Variants in STK32B observed in about 807,000 individuals in gnomAD.
The protein encoded by STK32B is serine/threonine kinase 32B.
A neutral mutation model predicts 52.6 loss-of-function variants in STK32B; 43 were observed. The ratio of observed to expected loss-of-function variants is 0.82; its 90% confidence interval spans 0.64 to 1.05. The LOEUF (loss-of-function observed/expected upper bound fraction) is 1.05. Ranked by LOEUF, STK32B falls within the 50% of genes least tolerant of loss-of-function variation. The pLI is 0.00. For missense variants in STK32B, 621 were observed against 534.6 expected (o/e 1.16, Z -1.59); for synonymous variants, 238 against 204.3 (o/e 1.17, Z -1.41).
intron 7 of STK32B, among the ~76,000 whole-genome samples, chr4:5,455,864 A>G (rs545369049): frequency 2.0e-5 from 3 of 152,286 alleles, no homozygotes; most frequent in African/African-American, 7.2e-5. Context: ...ATGGCAGTCA[A>G]CTTCATATGG....
chr4:5,094,268 T>G (rs1368263249), intron 1 of STK32B, among the ~76,000 whole-genome samples: 1 of 152,078 alleles, frequency 6.6e-6, no homozygotes, highest in Non-Finnish European at 1.5e-5. Flanking sequence ...GTTTGACAAT[T>G]TTAGAAAGAG....
Position 5,159,600 on chromosome 4 carries a change from TATATATATGA to T in STK32B, c.109-8670_109-8661del, listed in dbSNP as rs1283965387. On this transcript the variant is annotated intron_variant, in intron 2 of 11. Coordinates refer to ENST00000282908, the MANE Select transcript of STK32B (RefSeq NM_018401.3). Reference sequence around the variant, plus strand: ...GAATATATATATGAATATATATGAATATATATATGAATATATATGAATATATATGAATATA... The same window carrying T: ...GAATATATATATGAATATATATGAATATATATATGAATATATATGAATATA... Among the ~76,000 whole-genome samples, 631 of 92,658 alleles carry T rather than the reference TATATATATGA, an allele frequency of 6.8e-3. 63 individuals are homozygous for T. Among genetic ancestry groups the T allele is most frequent in the African/African-American group, 0.023 (345 of 15,138 alleles). 60.8% of individuals were successfully genotyped at this position (92,658 alleles called of 152,430 possible). A position where few individuals can be genotyped will look rare whatever the true frequency, so the allele number is the denominator to read the frequency against.
intron 4 of STK32B, among the ~76,000 whole-genome samples, chr4:5,333,957 G>A (rs574228790): frequency 2.0e-5 from 3 of 152,230 alleles, no homozygotes; most frequent in African/African-American, 7.2e-5. Flanking sequence ...TTGGCGATGC[G>A]AGCTCTTTTT....
At position 5,331,270 on chromosome 4, in the gene STK32B, T is replaced by A; in HGVS notation, c.311T>A (p.Leu104Gln). 1 of 1,613,944 alleles carries A rather than the reference T, an allele frequency of 6.2e-7. No individual in the cohort carries two copies. The highest frequency in any genetic ancestry group is 8.5e-7 in the Non-Finnish European group (1 of 1,179,904). The stretch of plus-strand genomic sequence containing the variant: ...ATGTTCATGGTGGTGGACCTGCTCC[T>A]GGGAGGCGACCTGCGCTACCATCTG... ...EDMFMVVDLL[L>Q]GGDLRYHLQQ... Residue 104 changes from leucine (L) to glutamine (Q), a missense_variant, in exon 4 of 12, where the codon CTG becomes CAG. Physicochemically the swap from Leu to Gln is moderately radical, Grantham distance 113 (BLOSUM62 -2). Transcript: ENST00000282908.
At chr4:5,157,252 C>T (rs925115803) in intron 2 of STK32B, among the ~76,000 whole-genome samples, 19 of 144,870 alleles carry the variant, frequency 1.3e-4, no homozygotes, top group Non-Finnish European at 2.4e-4. Flanking sequence ...TTAATGTTCA[C>T]GGATCACTGC....
chr4:5,067,102 C>T (rs1742454770), intron 1 of STK32B, among the ~76,000 whole-genome samples: 3 of 152,120 alleles, frequency 2.0e-5, no homozygotes, highest in Admixed American at 1.3e-4. Flanking sequence ...CTGAGAAGGC[C>T]TCACAATTAT....
chr4:5,494,780 A>G (rs927887496), intron 11 of STK32B, among the ~76,000 whole-genome samples: 1 of 152,164 alleles, frequency 6.6e-6, no homozygotes, highest in Admixed American at 6.5e-5. Flanking sequence ...GATGGTGACA[A>G]AATCTCTCAG....
At chr4:5,317,240 TATATTATATATAACATATAAC>T in intron 3 of STK32B, among the ~76,000 whole-genome samples, 2 of 41,136 alleles carry the variant, frequency 4.9e-5, no homozygotes, top group South Asian at 8.1e-4. Flanking sequence ...ATAACATATA[TATATTATATATAACATATAAC>T]ATATATATAA....
intron 4 of STK32B, among the ~76,000 whole-genome samples, chr4:5,342,142 A>G (rs954452802): frequency 6.6e-6 from 1 of 152,172 alleles, no homozygotes; most frequent in African/African-American, 2.4e-5. Context: ...CAGTGTGGCG[A>G]TTCCTCAAGG....
intron 3 of STK32B, among the ~76,000 whole-genome samples, chr4:5,315,094 C>G (rs1057392293): frequency 2.6e-5 from 4 of 152,090 alleles, no homozygotes; most frequent in South Asian, 2.1e-4. Flanking sequence ...GGACTTGTAT[C>G]TAGACTATAT....
chr4:5,495,360 G>A (rs1031211528), intron 11 of STK32B, among the ~76,000 whole-genome samples: 2 of 152,094 alleles, frequency 1.3e-5, no homozygotes, highest in Non-Finnish European at 2.9e-5. Context: ...TCTTCCAGTT[G>A]ATCTCATTGG....
intron 3 of STK32B, among the ~76,000 whole-genome samples, chr4:5,279,199 C>T (rs1219679415): frequency 2.0e-5 from 3 of 152,170 alleles, no homozygotes; most frequent in Admixed American, 6.5e-5. Flanking sequence ...TCCCTTCCAC[C>T]TATAAGCCTG....
chr4:5,195,865 C>T (rs1721607772), intron 3 of STK32B, among the ~76,000 whole-genome samples: 1 of 152,222 alleles, frequency 6.6e-6, no homozygotes, highest in Admixed American at 6.5e-5. Context: ...TATCAACTCA[C>T]TTGAACTGGA....
intron 3 of STK32B, among the ~76,000 whole-genome samples, chr4:5,245,125 C>T (rs957668230): frequency 9.9e-5 from 15 of 152,156 alleles, no homozygotes; most frequent in African/African-American, 2.4e-4. Context: ...CCTGGATATC[C>T]TTGTTAACTT....
intron 1 of STK32B, among the ~76,000 whole-genome samples, chr4:5,134,935 A>G (rs1715988334): frequency 1.3e-5 from 2 of 152,232 alleles, no homozygotes; most frequent in Non-Finnish European, 2.9e-5. Flanking sequence ...AGCTTCATGA[A>G]TATTGCAATG....
chr4:5,206,244 GGA>G (rs1327038101), intron 3 of STK32B, among the ~76,000 whole-genome samples: 7 of 152,268 alleles, frequency 4.6e-5, no homozygotes, highest in African/African-American at 1.7e-4. Context: ...TCTTCTCTTA[GGA>G]TAATTAATCA....
chr4:5,282,666 A>G (rs1390697644), intron 3 of STK32B, among the ~76,000 whole-genome samples: 2 of 152,106 alleles, frequency 1.3e-5, no homozygotes, highest in Non-Finnish European at 2.9e-5. Flanking sequence ...TACTAATGAG[A>G]CAGAAGAAGG....
chr4:5,071,483 A>C (rs1427617473), intron 1 of STK32B, among the ~76,000 whole-genome samples: 1 of 152,176 alleles, frequency 6.6e-6, no homozygotes, highest in Non-Finnish European at 1.5e-5. Context: ...AGAATCCTCT[A>C]CCGTTCATTT....
chr4:5,049,918 T>C (rs1455484024), upstream of STK32B, among the ~76,000 whole-genome samples: 5 of 152,104 alleles, frequency 3.3e-5, no homozygotes, highest in South Asian at 8.3e-4. Flanking sequence ...CTCATAACAA[T>C]GTTAGAAAGG....
Sources: gnomAD v4.1 joint callset for allele counts (sites outside exome capture counted in the v4.1 genomes callset) on GRCh38, gnomAD v4.1.1 for gene constraint, MANE v1.5 for transcripts, NCBI Gene and HGNC (gene_info 2026-07-23, HGNC 2026-07-21) for gene names.